GMDS: variants seen among roughly 807,000 people sequenced by gnomAD.
GMDS encodes the protein GDP-mannose 4,6-dehydratase, also known as GDP-mannose 4,6 dehydratase.
In GMDS, 20 loss-of-function variants were observed where a neutral mutation model predicts 49.9. That is an observed-to-expected ratio of 0.40 (90% confidence interval 0.28 to 0.58). The LOEUF is 0.58. Among genes scored for constraint, GMDS ranks in the 20% least tolerant of loss-of-function variants. The probability of loss-of-function intolerance (pLI) is 0.42; values close to 1 mark genes in which losing one functional copy is unlikely to be tolerated. For synonymous variants in GMDS, 177 were observed against 178.6 expected (o/e 0.99, Z 0.07); for missense variants, 362 against 481.4 (o/e 0.75, Z 2.32).
intron 9 of GMDS, among the ~76,000 whole-genome samples, chr6:1,658,283 G>A (rs1473844190): frequency 6.6e-6 from 1 of 152,236 alleles, no homozygotes; most frequent in African/African-American, 2.4e-5. Context: ...TCTCTACTGA[G>A]GACCCTTCAA....
chr6:1,944,701 G>A (rs915260662), intron 6 of GMDS, among the ~76,000 whole-genome samples: 5 of 148,952 alleles, frequency 3.4e-5, no homozygotes, highest in African/African-American at 7.4e-5. Flanking sequence ...AAAATTTCAC[G>A]TTCGAAGTAA....
intron 4 of GMDS, among the ~76,000 whole-genome samples, chr6:1,970,262 T>C: frequency 6.6e-6 from 1 of 152,232 alleles, no homozygotes; most frequent in East Asian, 1.9e-4. Flanking sequence ...CACAAGCAGC[T>C]GCACTGTTTA....
chr6:2,190,071 G>C (rs1048597987), intron 1 of GMDS, among the ~76,000 whole-genome samples: 4 of 152,148 alleles, frequency 2.6e-5, no homozygotes, highest in African/African-American at 7.2e-5. Context: ...TTAAGCTCAG[G>C]AAGGCAGCTC....
chr6:2,092,678 T>G (rs1420881970), intron 4 of GMDS, among the ~76,000 whole-genome samples: 1 of 152,114 alleles, frequency 6.6e-6, no homozygotes, highest in African/African-American at 2.4e-5. Flanking sequence ...TTTAAGGACT[T>G]TTAGCAGTGA....
intron 9 of GMDS, among the ~76,000 whole-genome samples, chr6:1,633,164 G>A (rs1763046233): frequency 6.6e-6 from 1 of 152,182 alleles, no homozygotes; most frequent in African/African-American, 2.4e-5. Context: ...ATTTCTTGCA[G>A]TAACATCATG....
In GMDS at chr6:2,220,119, G is replaced by A. The variant is rs541752213; in HGVS notation, c.102+25202C>T. 5.3e-5 allele frequency among the ~76,000 whole-genome samples: 8 copies of A among 152,256 alleles called. No homozygotes were observed. In the East Asian group the frequency reaches 1.5e-3, roughly 29 times the overall value. On this transcript the variant is annotated intron_variant, in intron 1 of 10. Transcript: ENST00000380815. ...AGTGTATAAAATCAAAGACTTGTAAGACAAAAATCATGGCTAATGAGGCAG... is the reference window on the plus strand; with the variant it reads ...AGTGTATAAAATCAAAGACTTGTAAAACAAAAATCATGGCTAATGAGGCAG...
At chr6:1,669,789 T>A (rs1381728619) in intron 9 of GMDS, among the ~76,000 whole-genome samples, 1 of 151,856 alleles carries the variant, frequency 6.6e-6, no homozygotes, top group African/African-American at 2.4e-5. Flanking sequence ...GGCAGGCGCC[T>A]GTAATCAAAG....
At chr6:1,660,658 G>C (rs990483767) in intron 9 of GMDS, among the ~76,000 whole-genome samples, 1 of 150,456 alleles carries the variant, frequency 6.6e-6, no homozygotes, top group Admixed American at 6.7e-5. Context: ...CGGGGATGCA[G>C]ATCAACTGAA....
intron 5 of GMDS, among the ~76,000 whole-genome samples, chr6:1,960,420 A>C (rs1763875949): frequency 6.6e-6 from 1 of 152,182 alleles, no homozygotes; most frequent in African/African-American, 2.4e-5. Context: ...TGGAAAATAA[A>C]AAAAAACATG....
chr6:2,208,549 A>G (rs1779912342), intron 1 of GMDS, among the ~76,000 whole-genome samples: 1 of 152,224 alleles, frequency 6.6e-6, no homozygotes, highest in African/African-American at 2.4e-5. Flanking sequence ...CACAGCTTGC[A>G]GGGCCACAAA....
At position 2,196,587 on chromosome 6, in the gene GMDS, G is replaced by C. The variant is rs542093758; in HGVS notation, c.102+48734C>G. Among the ~76,000 whole-genome samples the C allele has an allele frequency of 3.3e-5, 5 of 152,270 alleles. No homozygotes were observed. The South Asian group carries it at 1.0e-3, about 32-fold the overall frequency. ...AAATAAACTGCAGATCATGCCTCAG[G>C]TTTGCTTGTGGTTTCTTTACCTCTT... On this transcript the variant is annotated intron_variant, in intron 1 of 10. Transcript: ENST00000380815.
chr6:1,706,551 G>C (rs536663718), intron 9 of GMDS, among the ~76,000 whole-genome samples: 2 of 152,150 alleles, frequency 1.3e-5, no homozygotes, highest in African/African-American at 4.8e-5. Flanking sequence ...ACACATGTTC[G>C]CTAATGAACA....
chr6:2,206,165 G>A (rs1779797924), intron 1 of GMDS, among the ~76,000 whole-genome samples: 1 of 152,102 alleles, frequency 6.6e-6, no homozygotes, highest in Non-Finnish European at 1.5e-5. Flanking sequence ...GGCTGAGGCA[G>A]GAGAATCGCT....
At chr6:2,235,134 C>A (rs542266894) in intron 1 of GMDS, among the ~76,000 whole-genome samples, 2 of 151,582 alleles carry the variant, frequency 1.3e-5, no homozygotes, top group East Asian at 1.9e-4. Flanking sequence ...TCAAAAAAAA[C>A]AAAAAAACAA....
chr6:2,034,953 T>A (rs1769202644), intron 4 of GMDS, among the ~76,000 whole-genome samples: 1 of 152,050 alleles, frequency 6.6e-6, no homozygotes, highest in Non-Finnish European at 1.5e-5. Flanking sequence ...TGAGGATGGT[T>A]GGGGGGAAAA....
chr6:2,235,134 C>T (rs542266894), intron 1 of GMDS, among the ~76,000 whole-genome samples: 1 of 151,582 alleles, frequency 6.6e-6, no homozygotes, highest in East Asian at 1.9e-4. Context: ...TCAAAAAAAA[C>T]AAAAAAACAA....
At chr6:1,972,951 C>G (rs1394142228) in intron 4 of GMDS, among the ~76,000 whole-genome samples, 2 of 152,210 alleles carry the variant, frequency 1.3e-5, no homozygotes, top group African/African-American at 4.8e-5. Flanking sequence ...CCATACACTT[C>G]ACCAGATTGC....
intron 9 of GMDS, among the ~76,000 whole-genome samples, chr6:1,710,069 A>G (rs1271756360): frequency 5.3e-5 from 8 of 152,220 alleles, no homozygotes; most frequent in Admixed American, 5.2e-4. Flanking sequence ...GTATTTAAAA[A>G]TTGTTTTTAT....
intron 7 of GMDS, among the ~76,000 whole-genome samples, chr6:1,788,188 G>A (rs545335255): frequency 7.9e-4 from 120 of 152,282 alleles, no homozygotes; most frequent in African/African-American, 2.8e-3. Context: ...ACTGGGAGCC[G>A]ACCAAGGCCA....
Sources: gnomAD v4.1 joint callset for allele counts (sites outside exome capture counted in the v4.1 genomes callset) on GRCh38, gnomAD v4.1.1 for gene constraint, MANE v1.5 for transcripts, NCBI Gene and HGNC (gene_info 2026-07-23, HGNC 2026-07-21) for gene names.